Variants in NOX5 observed in about 807,000 individuals in gnomAD.
The protein encoded by NOX5 is NADPH oxidase, EF-hand calcium binding domain 5.
A neutral mutation model predicts 85.7 loss-of-function variants in NOX5; 76 were observed. The observed-to-expected ratio is 0.89, with a 90% confidence interval of 0.74 to 1.07. The LOEUF is 1.07. Ranked by LOEUF, NOX5 falls within the 50% of genes least tolerant of loss-of-function variation. NOX5 has a pLI of 0.00. For synonymous variants in NOX5, 405 were observed against 401.4 expected, an observed-to-expected ratio of 1.01 and a Z score of -0.11; for missense variants, 973 against 999.5, an observed-to-expected ratio of 0.97 and a Z score of 0.36.
intron 10 of NOX5, chr15:69,043,715 T>C (rs1400042453): frequency 6.6e-6 from 1 of 152,170 alleles, no homozygotes; most frequent in East Asian, 1.9e-4. Context: ...AGATGAGTCA[T>C]GGCACACTGT....
rs537978059 is a variant in NOX5 at position 69,041,917 on chromosome 15, A to G, written c.1505-746A>G. Among the ~76,000 whole-genome samples the G allele has an allele frequency of 6.6e-5, 10 of 151,158 alleles. No homozygotes were observed. The East Asian group carries it at 1.7e-3, about 26-fold the overall frequency. ...CATCAGCTATTGTTAGTGTTAGTGTATTTTATGTGTGGCCCAAGACAATTC... is the reference window on the plus strand; with the variant it reads ...CATCAGCTATTGTTAGTGTTAGTGTGTTTTATGTGTGGCCCAAGACAATTC... On this transcript the variant is annotated intron_variant, in intron 9 of 15. Transcript: ENST00000388866.
At position 69,047,313 on chromosome 15, in the gene NOX5, A is replaced by G. The variant is rs575393457; in HGVS notation, c.1693-100A>G. On this transcript the variant is annotated intron_variant, in intron 11 of 15. Coordinates refer to ENST00000388866, the MANE Select transcript of NOX5 (RefSeq NM_024505.4). The stretch of plus-strand genomic sequence containing the variant: ...CTTCCAGCCCAGGAGATGTCTTTCT[A>G]TATATAAAGGGGGTTCTGAAGCCCT... The G allele has an allele frequency of 2.1e-5, 30 of 1,421,102 alleles. No individual in the cohort carries two copies. In the East Asian group the frequency reaches 6.4e-4, roughly 30 times the overall value. The allele number at this position is 1,421,102 out of a possible 1,614,324, so 88.0% of individuals were successfully genotyped here. A position where few individuals can be genotyped will look rare whatever the true frequency, so the allele number is the denominator to read the frequency against.
chr15:69,056,681 C>G lies in NOX5; in HGVS notation c.2283C>G (p.Phe761Leu), dbSNP rs1195401419. The G allele has an allele frequency of 6.2e-7, 1 of 1,613,684 alleles. No homozygotes were observed. The highest frequency in any genetic ancestry group is 8.5e-7 in the Non-Finnish European group (1 of 1,180,012). ...GHCEKFGFRF[F>L]QENF The stretch of plus-strand genomic sequence containing the variant: ...GTGAGAAGTTCGGCTTCAGATTTTT[C>G]CAAGAGAATTTCTAGCCTCACCTCT... The change falls in exon 16 of 16, where the codon TTC becomes TTG. Residue 761 changes from phenylalanine to leucine, a missense_variant. Physicochemically the swap from Phe to Leu is conservative, Grantham distance 22. Transcript: ENST00000388866.
rs1226394844 is a variant in NOX5 at position 69,060,638 on chromosome 15, A to G, written c.*3942A>G. 2 of 152,212 alleles carry G rather than the reference A, an allele frequency of 1.3e-5. No homozygotes were observed. Among genetic ancestry groups the G allele is most frequent in the Non-Finnish European group, 2.9e-5 (2 of 68,036 alleles). 9.4% of individuals were successfully genotyped at this position (152,212 alleles called of 1,614,324 possible). On this transcript the variant is annotated 3_prime_UTR_variant, in exon 16 of 16. Transcript: ENST00000388866. ...TACTTTTTGCCCTTCTGTAAAGTTT[A>G]AGTTTTTATTAATATTATAGTTTTA...
Position 69,035,838 on chromosome 15 carries a change from C to T in NOX5, c.1090C>T (p.His364Tyr), listed in dbSNP as rs961014614. 4.3e-6 allele frequency: 7 copies of T among 1,614,200 alleles called. No homozygotes were observed. The highest frequency in any genetic ancestry group is 5.9e-6 in the Non-Finnish European group (7 of 1,180,030). ...CACGAGGCCTGGCATTGGCTGGGTA[C>T]ACGGTTCGGCCTCCCCGACAGGTGT... The part of the protein sequence containing the change: ...LTTRPGIGWV[H>Y]GSASPTGVAL... The change falls in exon 7 of 16, where the codon CAC becomes TAC. Residue 364 changes from histidine (H) to tyrosine (Y), a missense_variant. Transcript: ENST00000388866.
intron 2 of NOX5, among the ~76,000 whole-genome samples, chr15:69,027,782 A>G (rs760304417): frequency 2.0e-5 from 3 of 152,208 alleles, no homozygotes; most frequent in Non-Finnish European, 2.9e-5. Flanking sequence ...AGTGGAATCT[A>G]TAAGTCCTTC....
chr15:69,048,245 C>T (rs928668121), intron 13 of NOX5, among the ~76,000 whole-genome samples: 2 of 152,198 alleles, frequency 1.3e-5, no homozygotes, highest in African/African-American at 2.4e-5. Context: ...AGAATGAAAA[C>T]ATACTGGCTG....
intron 8 of NOX5, 23 bp downstream of exon 8, chr15:69,037,233 G>A: frequency 1.9e-6 from 3 of 1,602,700 alleles, no homozygotes; most frequent in Non-Finnish European, 2.6e-6. Flanking sequence ...GGGATGGGGA[G>A]GTGCTTTTCC....
intron 12 of NOX5, 129 bp downstream of exon 12, chr15:69,047,666 C>T (rs1322958364): frequency 7.3e-6 from 10 of 1,373,586 alleles, no homozygotes; most frequent in Non-Finnish European, 9.9e-6. Flanking sequence ...CTCTCTCTTT[C>T]CTCTCCTGCT....
chr15:69,042,342 G>A (rs1480664221), intron 9 of NOX5, among the ~76,000 whole-genome samples: 1 of 152,244 alleles, frequency 6.6e-6, no homozygotes, highest in Non-Finnish European at 1.5e-5. Flanking sequence ...GTTTTGGTGA[G>A]TCCTTGGCCT....
chr15:69,018,479 A>G (rs759065250), intron 1 of NOX5, among the ~76,000 whole-genome samples: 3 of 152,150 alleles, frequency 2.0e-5, no homozygotes, highest in Non-Finnish European at 4.4e-5. Context: ...TAGCTGGGAC[A>G]CAACCTAGGG....
At chr15:69,016,812 A>G (rs911029972) in intron 1 of NOX5, among the ~76,000 whole-genome samples, 4 of 152,060 alleles carry the variant, frequency 2.6e-5, no homozygotes, top group African/African-American at 9.7e-5. Flanking sequence ...ATATATATAC[A>G]TACATACATA....
rs1350176142 is a variant in NOX5, at chr15:69,056,594, G to A, written c.2196G>A (p.Lys732=). The change falls in exon 16 of 16, where the codon AAG becomes AAA. Residue 732 remains lysine (K), a synonymous_variant. Coordinates refer to ENST00000388866, the MANE Select transcript of NOX5 (RefSeq NM_024505.4). ...TCCAGAAAGTGGCTGCTGAGAAGAA[G>A]GGCAAGGTGCAGGTCTTCTTCTGTG... ...KVFQKVAAEK[K]GKVQVFFCGS... The A allele has an allele frequency of 1.2e-6, 2 of 1,613,592 alleles. No homozygotes were observed. Among genetic ancestry groups the A allele is most frequent in the Non-Finnish European group, 1.7e-6 (2 of 1,180,036 alleles).
rs767982509 is a variant in NOX5 at position 69,049,094 on chromosome 15, AG to A, written c.1999+39del. 1.2e-5 allele frequency: 16 copies of A among 1,388,170 alleles called. No homozygotes were observed. The East Asian group carries it at 3.5e-4, about 30-fold the overall frequency. 86.0% of individuals were successfully genotyped at this position (1,388,170 alleles called of 1,614,324 possible). ...GACAGGGCCTGAGGGCAGTAGGAGT[AG>A]GGCAGGGGCCTTCAGCTTCTTTAAA... is the stretch of plus-strand genomic sequence containing the variant. On this transcript the variant is annotated intron_variant, in intron 14 of 15. Transcript: ENST00000388866.
intron 1 of NOX5, among the ~76,000 whole-genome samples, chr15:69,015,766 C>A (rs1184494209): frequency 6.6e-6 from 1 of 152,170 alleles, no homozygotes; most frequent in Non-Finnish European, 1.5e-5. Flanking sequence ...CAAAGGGTGG[C>A]TATAAGTCAG....
chr15:69,024,412 C>T (rs1309542465), intron 1 of NOX5, among the ~76,000 whole-genome samples: 4 of 152,136 alleles, frequency 2.6e-5, no homozygotes, highest in Admixed American at 2.6e-4. Flanking sequence ...TTCTGAGTAG[C>T]CTGATGAAAT....
chr15:69,034,958 G>A (rs1199384060), intron 5 of NOX5, among the ~76,000 whole-genome samples: 1 of 151,988 alleles, frequency 6.6e-6, no homozygotes, highest in Non-Finnish European at 1.5e-5. Flanking sequence ...AGAGACAGGG[G>A]TCTCGCTGTG....
rs372286449 is a variant in NOX5 at position 69,047,904 on chromosome 15, T to C, written c.1892T>C (p.Leu631Pro). The C allele has an allele frequency of 8.7e-6, 14 of 1,614,084 alleles. No individual in the cohort carries two copies. In the African/African-American group the frequency reaches 1.1e-4, roughly 12 times the overall value. Residue 631 changes from leucine to proline, a missense_variant, in exon 13 of 16, where the codon CTC (leucine) becomes CCC (proline). Physicochemically the swap from Leu to Pro is moderately conservative, Grantham distance 98. Coordinates refer to ENST00000388866, the MANE Select transcript of NOX5 (RefSeq NM_024505.4). ...WIEGVQDNMK[L>P]HKVDFIWINR... ...GAAGGTGTCCAAGACAACATGAAGCTCCATAAGGTGAGTACCACCTCCTGC... is the reference window on the plus strand; with the variant it reads ...GAAGGTGTCCAAGACAACATGAAGCCCCATAAGGTGAGTACCACCTCCTGC...
intron 10 of NOX5, among the ~76,000 whole-genome samples, chr15:69,045,595 TTTC>T (rs1266261288): frequency 6.8e-6 from 1 of 146,274 alleles, no homozygotes; most frequent in Admixed American, 6.8e-5. Context: ...TCTTTCTTTC[TTTC>T]TTTTTTTTTT....
Sources: allele counts gnomAD v4.1 joint callset (sites outside exome capture counted in the v4.1 genomes callset), GRCh38; gene constraint gnomAD v4.1.1; transcripts MANE v1.5; gene names NCBI Gene and HGNC (gene_info 2026-07-23, HGNC 2026-07-21).